RUNX2: variants seen among roughly 807,000 people sequenced by gnomAD.
RUNX2 encodes the protein RUNX family transcription factor 2, also known as runt-related transcription factor 2.
RUNX2 carries 10 observed loss-of-function variants against 51.7 expected under a neutral mutation model. That is an observed-to-expected ratio of 0.19 (90% CI 0.12 to 0.33). The LOEUF is 0.33. Ranked by LOEUF, RUNX2 falls within the 10% of genes least tolerant of loss-of-function variation. The pLI is 1.00. For missense variants in RUNX2, 562 were observed against 691.3 expected, an observed-to-expected ratio of 0.81 and a Z score of 2.10; for synonymous variants, 276 against 273.6, an observed-to-expected ratio of 1.01 and a Z score of -0.09.
chr6:45,506,998 C>T (rs1800988744), intron 6 of RUNX2, among the ~76,000 whole-genome samples: 1 of 150,724 alleles, frequency 6.6e-6, no homozygotes, highest in African/African-American at 2.4e-5. Flanking sequence ...CTTTCTGTGA[C>T]ATAGCATTGA....
chr6:45,411,476 T>A (rs939792414), intron 2 of RUNX2, among the ~76,000 whole-genome samples: 1 of 152,188 alleles, frequency 6.6e-6, no homozygotes, highest in Non-Finnish European at 1.5e-5. Flanking sequence ...ATTTTTATGG[T>A]TGAGTTTGTA....
At chr6:45,499,267 GGGGCAGCT>G (rs1800732822) in intron 6 of RUNX2, among the ~76,000 whole-genome samples, 1 of 152,210 alleles carries the variant, frequency 6.6e-6, no homozygotes, top group Non-Finnish European at 1.5e-5. Context: ...TGTTTCAGGT[GGGGCAGCT>G]GGGCAAATTT....
At chr6:45,330,339 G>C (rs1354492094) in intron 2 of RUNX2, among the ~76,000 whole-genome samples, 2 of 151,802 alleles carry the variant, frequency 1.3e-5, no homozygotes. Flanking sequence ...CGAAAGTTTT[G>C]TTACTACTAC....
At chr6:45,353,010 A>G (rs1792387019) in intron 2 of RUNX2, among the ~76,000 whole-genome samples, 1 of 152,156 alleles carries the variant, frequency 6.6e-6, no homozygotes, top group African/African-American at 2.4e-5. Context: ...CTAGCAAGAA[A>G]AACAAATATT....
intron 2 of RUNX2, among the ~76,000 whole-genome samples, chr6:45,409,029 C>T (rs974589922): frequency 2.6e-5 from 4 of 152,202 alleles, no homozygotes; most frequent in Non-Finnish European, 5.9e-5. Flanking sequence ...CACACATATG[C>T]TCAACTTCTT....
intron 5 of RUNX2, among the ~76,000 whole-genome samples, chr6:45,477,834 C>T (rs1050503547): frequency 6.6e-6 from 1 of 152,222 alleles, no homozygotes; most frequent in South Asian, 2.1e-4. Flanking sequence ...ATGGCACACC[C>T]TTGCTTAAAA....
chr6:45,372,882 A>C (rs1318558189), intron 2 of RUNX2, among the ~76,000 whole-genome samples: 1 of 152,070 alleles, frequency 6.6e-6, no homozygotes, highest in African/African-American at 2.4e-5. Flanking sequence ...TAATGGCACA[A>C]TCTTGGCTCA....
intron 5 of RUNX2, among the ~76,000 whole-genome samples, chr6:45,466,682 T>G (rs1205801842): frequency 6.6e-6 from 1 of 152,268 alleles, no homozygotes; most frequent in African/African-American, 2.4e-5. Flanking sequence ...ACGTAATTTA[T>G]CTTTTCCCCT....
At chr6:45,345,717 A>G (rs935987820) in intron 2 of RUNX2, among the ~76,000 whole-genome samples, 2 of 152,172 alleles carry the variant, frequency 1.3e-5, no homozygotes, top group Non-Finnish European at 2.9e-5. Context: ...TACATGATGC[A>G]TTATCAATTC....
At chr6:45,415,790 T>C (rs926163198) in intron 2 of RUNX2, among the ~76,000 whole-genome samples, 1 of 151,752 alleles carries the variant, frequency 6.6e-6, no homozygotes, top group African/African-American at 2.4e-5. Context: ...TAAAGAGAAA[T>C]ATTTAATGGA....
At chr6:45,463,818 T>C (rs1799548006) in intron 5 of RUNX2, among the ~76,000 whole-genome samples, 1 of 152,216 alleles carries the variant, frequency 6.6e-6, no homozygotes. Flanking sequence ...TGGAAATGTT[T>C]CTATCTTCAT....
intron 4 of RUNX2, among the ~76,000 whole-genome samples, chr6:45,436,448 C>T (rs961696193): frequency 8.6e-5 from 13 of 152,016 alleles, no homozygotes; most frequent in African/African-American, 2.4e-4. Flanking sequence ...GAGATCTAAG[C>T]GGGGAGGATT....
At chr6:45,433,431 G>A (rs1798598079) in intron 4 of RUNX2, among the ~76,000 whole-genome samples, 1 of 151,852 alleles carries the variant, frequency 6.6e-6, no homozygotes, top group Non-Finnish European at 1.5e-5. Context: ...CAAGAAAAAT[G>A]TGAACATGAT....
intron 7 of RUNX2, among the ~76,000 whole-genome samples, chr6:45,533,135 GGTGTGT>G (rs56014189): frequency 2.0e-5 from 3 of 149,458 alleles, no homozygotes; most frequent in Non-Finnish European, 3.0e-5. Context: ...CCTCTGAAGG[GGTGTGT>G]GTGTGTGTGT....
chr6:45,371,467 G>C (rs1030999981), intron 2 of RUNX2, among the ~76,000 whole-genome samples: 2 of 151,494 alleles, frequency 1.3e-5, no homozygotes, highest in African/African-American at 2.4e-5. Flanking sequence ...ACTAAGACTG[G>C]CTGAAGGTCA....
chr6:45,351,226 A>G (rs73444679), intron 2 of RUNX2, among the ~76,000 whole-genome samples: 7,341 of 152,098 alleles, frequency 0.048, 602 homozygotes, highest in African/African-American at 0.17. Flanking sequence ...AATTAGTGAA[A>G]ACACTTCAAG....
rs1470370276 is a variant in RUNX2, at chr6:45,422,764, C to T, written c.230C>T (p.Ala77Val). The T allele has an allele frequency of 1.5e-6, 2 of 1,327,314 alleles. No homozygotes were observed. Among genetic ancestry groups the T allele is most frequent in the Admixed American group, 2.8e-5 (1 of 35,816 alleles). 82.2% of individuals were successfully genotyped at this position (1,327,314 alleles called of 1,614,324 possible). ...QQQQQEAAAAAAAAAAAAAAA... is the reference protein window; with the variant it reads ...QQQQQEAAAAVAAAAAAAAAA... ...CAGCAGCAGGAGGCGGCGGCGGCGG[C>T]TGCGGCGGCGGCGGCGGCTGCGGCG... The change falls in exon 3 of 9, where the codon GCT becomes GTT. Residue 77 changes from alanine to valine, a missense_variant. Physicochemically the swap from Ala to Val is moderately conservative, Grantham distance 64. Around this residue, in one of 5 missense-constraint regions of RUNX2, gnomAD observed 153 missense variants for 144.8 expected, o/e 1.06. Coordinates refer to ENST00000647337, the MANE Select transcript of RUNX2 (RefSeq NM_001024630.4).
intron 5 of RUNX2, among the ~76,000 whole-genome samples, chr6:45,484,515 C>T (rs1050090298): frequency 6.6e-6 from 1 of 152,176 alleles, no homozygotes; most frequent in Admixed American, 6.5e-5. Context: ...GTAGTATCTT[C>T]ATTTTTACAT....
At chr6:45,428,789 A>T (rs1160409323) in intron 3 of RUNX2, among the ~76,000 whole-genome samples, 2 of 151,928 alleles carry the variant, frequency 1.3e-5, no homozygotes, top group Admixed American at 6.6e-5. Flanking sequence ...TATGCAGTAA[A>T]ATAATAATGT....
Sources: gnomAD v4.1 joint callset for allele counts (sites outside exome capture counted in the v4.1 genomes callset) on GRCh38, gnomAD v4.1.1 for gene constraint, gnomAD v4.1.1 regional missense constraint, MANE v1.5 for transcripts, NCBI Gene and HGNC (gene_info 2026-07-23, HGNC 2026-07-21) for gene names.